The following SMTNL1 variants were observed in gnomAD, a reference collection of about 807,000 sequenced individuals.
SMTNL1 encodes smoothelin like 1.
Under a neutral mutation model 46.6 loss-of-function variants are expected in SMTNL1, and 41 were observed. That is an observed-to-expected ratio of 0.88 (90% CI 0.69 to 1.14). SMTNL1 has a LOEUF of 1.14. Among genes scored for constraint, SMTNL1 ranks in the 50% most tolerant of loss-of-function variants. SMTNL1 has a pLI of 0.00. For synonymous variants in SMTNL1, 234 were observed against 234.2 expected (o/e 1.00, Z 0.01); for missense variants, 591 against 626.1 (o/e 0.94, Z 0.60).
chr11:57,543,012 G>T lies in SMTNL1; in HGVS notation c.370G>T (p.Glu124Ter), dbSNP rs760726273. ...AGAAGAGACCAAATCTGAACCCAAA[G>T]AGGCTGAGGAAAAGGAGAGCACGCT... ...RKEETKSEPK[E>*]AEEKESTLAS... Residue 124 changes from glutamate to a stop codon, truncating the protein, a stop_gained, in exon 2 of 8, where the codon GAG becomes TAG. Coordinates refer to ENST00000527972, the MANE Select transcript of SMTNL1 (RefSeq NM_001105565.3). LOFTEE classifies it high-confidence loss of function. 6.2e-7 allele frequency: 1 copy of T among 1,602,650 alleles called. No individual in the cohort carries two copies. The highest frequency in any genetic ancestry group is 1.1e-5 in the South Asian group (1 of 89,236).
intron 6 of SMTNL1, 62 bp from the exon 7 acceptor site, chr11:57,546,439 G>C (rs1944924297): frequency 1.2e-6 from 2 of 1,602,424 alleles, no homozygotes; most frequent in Admixed American, 3.3e-5. Flanking sequence ...TGGGAAGGGG[G>C]CCAAGTCCAG....
At chr11:57,549,831 G>T in intron 7 of SMTNL1, 137 bp from the exon 8 acceptor site, 2 of 873,960 alleles carry the variant, frequency 2.3e-6, no homozygotes, top group Non-Finnish European at 3.5e-6. Context: ...GGGATGATTG[G>T]CTTAGATGAT....
rs756731519 is a variant in SMTNL1 at position 57,546,654 on chromosome 11, T to G, written c.1340+2T>G. 6.2e-7 allele frequency: 1 copy of G among 1,612,514 alleles called. No homozygotes were observed. The highest frequency in any genetic ancestry group is 8.5e-7 in the Non-Finnish European group (1 of 1,179,382). Reference sequence around the variant, plus strand: ...CACCCTGGCCTTCTCCACAGCAGAGTAAGCCACAGCCATGGGCTGGCAGAG... The same window carrying G: ...CACCCTGGCCTTCTCCACAGCAGAGGAAGCCACAGCCATGGGCTGGCAGAG... On this transcript the variant is annotated splice_donor_variant, in intron 7 of 7. Coordinates refer to ENST00000527972, the MANE Select transcript of SMTNL1 (RefSeq NM_001105565.3). LOFTEE classifies it high-confidence loss of function.
At position 57,544,929 on chromosome 11, in the gene SMTNL1, C is replaced by T. The variant is rs538822630; in HGVS notation, c.918-952C>T. ...TCAGGTCACTGCAACCTCTGCCTCC[C>T]GGGTTCAAGCGATTCTCCTGCCTCA... is the stretch of plus-strand genomic sequence containing the variant. On this transcript the variant is annotated intron_variant, in intron 4 of 7. Coordinates refer to ENST00000527972, the MANE Select transcript of SMTNL1 (RefSeq NM_001105565.3). 1.8e-4 allele frequency among the ~76,000 whole-genome samples: 27 copies of T among 151,728 alleles called. 1 individual carries two copies. The highest frequency in any genetic ancestry group is 9.2e-4 in the Admixed American group (14 of 15,236).
chr11:57,542,139 C>CAAAAAAAA (rs755994227), intron 1 of SMTNL1, among the ~76,000 whole-genome samples: 1 of 148,596 alleles, frequency 6.7e-6, no homozygotes, highest in African/African-American at 2.5e-5. Flanking sequence ...CACACACACA[C>CAAAAAAAA]ACACAAAAAT....
Position 57,542,666 on chromosome 11 carries a change from C to T in SMTNL1, c.24C>T (p.Leu8=). Reference sequence around the variant, plus strand: ...AGATGGAGCAGAAGGAAGGGAAGCTCTCTGAGGATGGGACCACCGTCTCCC... The same window carrying T: ...AGATGGAGCAGAAGGAAGGGAAGCTTTCTGAGGATGGGACCACCGTCTCCC... MEQKEGK[L]SEDGTTVSPA... The change falls in exon 2 of 8, where the codon CTC becomes CTT. Residue 8 remains leucine (L), a synonymous_variant. Coordinates refer to ENST00000527972, the MANE Select transcript of SMTNL1 (RefSeq NM_001105565.3). The T allele has an allele frequency of 6.2e-7, 1 of 1,611,040 alleles. No individual in the cohort carries two copies. The highest frequency in any genetic ancestry group is 8.5e-7 in the Non-Finnish European group (1 of 1,178,496).
At chr11:57,537,802 C>A (rs991114795) in intron 1 of SMTNL1, among the ~76,000 whole-genome samples, 160 bp downstream of exon 1, 7 of 152,230 alleles carry the variant, frequency 4.6e-5, no homozygotes, top group Admixed American at 2.0e-4. Flanking sequence ...TCTTTAGATG[C>A]CTGGGGTCTC....
intron 2 of SMTNL1, 120 bp from the exon 3 acceptor site, chr11:57,543,504 G>A: frequency 2.6e-6 from 4 of 1,514,586 alleles, no homozygotes; most frequent in South Asian, 2.6e-5. Flanking sequence ...GGGTGGGGGA[G>A]GGGGGACAAG....
At position 57,545,772 on chromosome 11, in the gene SMTNL1, A is replaced by G. The variant is rs1255160275; in HGVS notation, c.918-109A>G. On this transcript the variant is annotated intron_variant, in intron 4 of 7. Coordinates refer to ENST00000527972, the MANE Select transcript of SMTNL1 (RefSeq NM_001105565.3). The stretch of plus-strand genomic sequence containing the variant: ...CCCAGTGCTGGGCACAGCTGCACAC[A>G]CCCCCTTAGACTGCAGTGCCACCCA... The G allele has an allele frequency of 5.6e-6, 6 of 1,073,620 alleles. No homozygotes were observed. In the Admixed American group the frequency reaches 1.5e-4, roughly 26 times the overall value. The allele number at this position is 1,073,620 out of a possible 1,614,324, so 66.5% of individuals were successfully genotyped here.
rs780000738 is a variant in SMTNL1, at chr11:57,543,109, A to G, written c.467A>G (p.Asp156Gly). Residue 156 changes from aspartate (D) to glycine (G), a missense_variant, in exon 2 of 8, where the codon GAC (aspartate) becomes GGC (glycine). By Grantham distance (94) the Asp-to-Gly change is moderately conservative. Coordinates refer to ENST00000527972, the MANE Select transcript of SMTNL1 (RefSeq NM_001105565.3). ...TCTGGGCAGAAAGCCGATGCCAATG[A>G]CAGAGACAAGCCTGAACCTAAGGCA... ...PESGQKADAN[D>G]RDKPEPKATV... The G allele has an allele frequency of 2.3e-5, 37 of 1,612,542 alleles. No homozygotes were observed. The South Asian group carries it at 4.1e-4, about 18-fold the overall frequency.
At chr11:57,539,443 C>T (rs1944856625) in intron 1 of SMTNL1, among the ~76,000 whole-genome samples, 1 of 152,208 alleles carries the variant, frequency 6.6e-6, no homozygotes, top group African/African-American at 2.4e-5. Context: ...TTGTTATCAT[C>T]CTACTGGCAT....
intron 6 of SMTNL1, 50 bp downstream of exon 6, chr11:57,546,397 C>T: frequency 7.6e-7 from 1 of 1,319,784 alleles, no homozygotes; most frequent in South Asian, 1.3e-5. Context: ...CAGGGAGGGT[C>T]CAAGTGGTGC....
rs767159712 is a variant in SMTNL1 at position 57,545,975 on chromosome 11, C to A, written c.1012C>A (p.Pro338Thr). The change falls in exon 5 of 8, where the codon CCT (proline) becomes ACT (threonine). Residue 338 changes from proline (P) to threonine (T), a missense_variant. Physicochemically the swap from Pro to Thr is conservative, Grantham distance 38. Coordinates refer to ENST00000527972, the MANE Select transcript of SMTNL1 (RefSeq NM_001105565.3). ...GGCACCAGAGCGCAGGGTATCAGCCCCTGCTCGGCCCCGGGGGCCCCGGGC... is the reference window on the plus strand; with the variant it reads ...GGCACCAGAGCGCAGGGTATCAGCCACTGCTCGGCCCCGGGGGCCCCGGGC... ...EKAPERRVSA[P>T]ARPRGPRAQN... 1 of 1,609,926 alleles carries A rather than the reference C, an allele frequency of 6.2e-7. No homozygotes were observed. The highest frequency in any genetic ancestry group is 8.5e-7 in the Non-Finnish European group (1 of 1,178,590).
In SMTNL1 at chr11:57,543,304, A is replaced by G; in HGVS notation, c.662A>G (p.Lys221Arg). 2 of 1,614,002 alleles carry G rather than the reference A, an allele frequency of 1.2e-6. No individual in the cohort carries two copies. The highest frequency in any genetic ancestry group is 1.7e-6 in the Non-Finnish European group (2 of 1,179,884). Residue 221 changes from lysine (K) to arginine (R), a missense_variant, in exon 2 of 8, where the codon AAA (lysine) becomes AGA (arginine). Physicochemically the swap from Lys to Arg is conservative, Grantham distance 26. Coordinates refer to ENST00000527972, the MANE Select transcript of SMTNL1 (RefSeq NM_001105565.3). ...GCTGAACCCAAGGAGCCCGATGGGA[A>G]AGAGGAGGCCAAACATGGTGCAAAA... ...AKAEPKEPDG[K>R]EEAKHGAKEE...
intron 7 of SMTNL1, 111 bp from the exon 8 acceptor site, chr11:57,549,857 T>C: frequency 8.5e-7 from 1 of 1,169,808 alleles, no homozygotes; most frequent in Non-Finnish European, 1.2e-6. Context: ...AGCCCCAACA[T>C]CCCAGCCCAT....
rs763115924 is a variant in SMTNL1 at position 57,546,611 on chromosome 11, A to T, written c.1299A>T (p.Ala433=). The T allele has an allele frequency of 6.2e-7, 1 of 1,613,976 alleles. No individual in the cohort carries two copies. Among genetic ancestry groups the T allele is most frequent in the Non-Finnish European group, 8.5e-7 (1 of 1,179,884 alleles). Residue 433 remains alanine, a synonymous_variant, in exon 7 of 8, where the codon GCA becomes GCT. Coordinates refer to ENST00000527972, the MANE Select transcript of SMTNL1 (RefSeq NM_001105565.3). ...TTGACTACGCAGAGCTGGATCCCGC[A>T]AAGCGCCGGCACAACTTCACCCTGG... is the stretch of plus-strand genomic sequence containing the variant. ...DAFDYAELDP[A]KRRHNFTLAF...
intron 1 of SMTNL1, chr11:57,541,458 C>G (rs374907374): frequency 1.5e-6 from 2 of 1,364,518 alleles, no homozygotes; most frequent in African/African-American, 3.0e-5. Context: ...CCAGTATATA[C>G]AGTACTTAAA....
At chr11:57,549,919 A>C in intron 7 of SMTNL1, 49 bp from the exon 8 acceptor site, 1 of 1,605,112 alleles carries the variant, frequency 6.2e-7, no homozygotes. Context: ...CTTGGCTCCC[A>C]TATCCTTCAC....
At position 57,543,214 on chromosome 11, in the gene SMTNL1, A is replaced by G; in HGVS notation, c.572A>G (p.Glu191Gly). Residue 191 changes from glutamate (E) to glycine (G), a missense_variant, in exon 2 of 8, where the codon GAG becomes GGG. Coordinates refer to ENST00000527972, the MANE Select transcript of SMTNL1 (RefSeq NM_001105565.3). ...AAAGAGTGCAGCACTGAACCCAAGG[A>G]GAAGGCTACTGATGAAGAGGCCAAG... ...QRKECSTEPK[E>G]KATDEEAKAE... 2 of 1,613,856 alleles carry G rather than the reference A, an allele frequency of 1.2e-6. No individual in the cohort carries two copies. The highest frequency in any genetic ancestry group is 1.7e-6 in the Non-Finnish European group (2 of 1,179,856).
Sources: allele counts gnomAD v4.1 joint callset (sites outside exome capture counted in the v4.1 genomes callset), GRCh38; gene constraint gnomAD v4.1.1; transcripts MANE v1.5; gene names NCBI Gene and HGNC (gene_info 2026-07-23, HGNC 2026-07-21).